The following MAPK10 variants were observed in gnomAD, a reference collection of about 807,000 sequenced individuals.
MAPK10 encodes the protein mitogen-activated protein kinase 10, also known as JNK3 alpha protein kinase.
In MAPK10, 25 loss-of-function variants were observed where a neutral mutation model predicts 59.3. The observed-to-expected ratio is 0.42, with a 90% CI of 0.31 to 0.59. The LOEUF is 0.59. MAPK10 is among the 20% of genes least tolerant of loss of function. The probability of loss-of-function intolerance (pLI) is 0.15; values close to 1 mark genes in which losing one functional copy is unlikely to be tolerated. For synonymous variants in MAPK10, 190 were observed against 200.5 expected, an observed-to-expected ratio of 0.95 and a Z score of 0.44; for missense variants, 351 against 568.9, an observed-to-expected ratio of 0.62 and a Z score of 3.90.
intron 11 of MAPK10, among the ~76,000 whole-genome samples, chr4:86,054,448 C>T (rs1470490869): frequency 6.6e-6 from 1 of 152,078 alleles, no homozygotes; most frequent in African/African-American, 2.4e-5. Flanking sequence ...TCTAATGAAG[C>T]TATATTTTCT....
At chr4:86,192,016 T>C (rs962540377) in intron 3 of MAPK10, 5 of 152,212 alleles carry the variant, frequency 3.3e-5, no homozygotes, top group Admixed American at 2.6e-4. Flanking sequence ...ATTTTATTTC[T>C]CCTTCACTTA....
At chr4:86,475,564 G>A (rs1204926085) in intron 1 of MAPK10, among the ~76,000 whole-genome samples, 1 of 152,132 alleles carries the variant, frequency 6.6e-6, no homozygotes, top group Non-Finnish European at 1.5e-5. Flanking sequence ...ACGGACTCGG[G>A]AAGACAGTCT....
chr4:86,466,147 C>T (rs1231256699), intron 1 of MAPK10, among the ~76,000 whole-genome samples: 2 of 152,176 alleles, frequency 1.3e-5, no homozygotes, highest in Non-Finnish European at 2.9e-5. Flanking sequence ...ATAATTGAGG[C>T]ATACCGCCCT....
chr4:86,262,142 G>A (rs867791851), intron 2 of MAPK10, among the ~76,000 whole-genome samples: 1 of 152,152 alleles, frequency 6.6e-6, no homozygotes, highest in African/African-American at 2.4e-5. Context: ...TTGAGAAGTG[G>A]GACTTTTGAG....
Position 86,064,250 on chromosome 4 carries a change from G to C in MAPK10, c.1110+16C>G. 6 of 1,613,428 alleles carry C rather than the reference G, an allele frequency of 3.7e-6. No individual in the cohort carries two copies. The highest frequency in any genetic ancestry group is 5.1e-6 in the Non-Finnish European group (6 of 1,179,754). ...ATTTGTTTGTGGAAGCAAAGTAAAG[G>C]CAGCCTATTTCTTACCGCCTCCACT... On this transcript the variant is annotated intron_variant, in intron 11 of 13. Coordinates refer to ENST00000641462, the MANE Select transcript of MAPK10 (RefSeq NM_138982.4).
intron 2 of MAPK10, among the ~76,000 whole-genome samples, chr4:86,207,367 T>C (rs7661809): frequency 0.32 from 48,859 of 151,412 alleles, 10,854 homozygotes; most frequent in African/African-American, 0.63. Flanking sequence ...AGATAGGCGG[T>C]GTTATTTCTG....
chr4:86,269,069 T>C (rs1270491241), intron 2 of MAPK10, among the ~76,000 whole-genome samples: 2 of 152,160 alleles, frequency 1.3e-5, no homozygotes, highest in African/African-American at 4.8e-5. Flanking sequence ...TGCACCTTTC[T>C]GGGCTCAAAA....
intron 1 of MAPK10, among the ~76,000 whole-genome samples, chr4:86,400,469 G>A (rs567109165): frequency 5.9e-5 from 9 of 151,312 alleles, no homozygotes; most frequent in South Asian, 2.1e-4. Context: ...CTCTCTCCAC[G>A]TAATGGGGAG....
chr4:86,066,532 C>G (rs890710925), intron 10 of MAPK10, among the ~76,000 whole-genome samples: 1 of 150,512 alleles, frequency 6.6e-6, no homozygotes, highest in Non-Finnish European at 1.5e-5. Flanking sequence ...TTTGGAAGGC[C>G]GAGGCAGGCA....
At chr4:86,555,847 C>T (rs183760347) in intron 1 of MAPK10, among the ~76,000 whole-genome samples, 45 of 152,188 alleles carry the variant, frequency 3.0e-4, no homozygotes, top group Admixed American at 2.8e-3. Context: ...GTTCTTGCAT[C>T]CCTCAGAGTC....
intron 2 of MAPK10, among the ~76,000 whole-genome samples, chr4:86,227,674 G>A (rs944165419): frequency 3.9e-5 from 6 of 151,916 alleles, no homozygotes; most frequent in African/African-American, 1.5e-4. Flanking sequence ...TACTCACACA[G>A]GGACCAAAAA....
At chr4:86,058,278 T>C (rs919414222) in intron 11 of MAPK10, among the ~76,000 whole-genome samples, 1 of 149,586 alleles carries the variant, frequency 6.7e-6, no homozygotes. Context: ...ATTTCAGAAT[T>C]GTGAATAAGG....
At chr4:86,536,840 T>C (rs1470775955) in intron 1 of MAPK10, among the ~76,000 whole-genome samples, 1 of 152,214 alleles carries the variant, frequency 6.6e-6, no homozygotes, top group Non-Finnish European at 1.5e-5. Flanking sequence ...AGGTAGCTCT[T>C]GCCTTTCTTC....
chr4:86,507,671 T>TAA (rs1365419120), intron 1 of MAPK10, among the ~76,000 whole-genome samples: 4 of 102,602 alleles, frequency 3.9e-5, no homozygotes, highest in African/African-American at 1.2e-4. Context: ...TATATATATA[T>TAA]AAAATCATGT....
At chr4:86,401,473 A>T (rs1224701470) in intron 1 of MAPK10, among the ~76,000 whole-genome samples, 2 of 152,206 alleles carry the variant, frequency 1.3e-5, no homozygotes, top group Admixed American at 1.3e-4. Context: ...TCTTGAGATA[A>T]CTAAAAGCAC....
intron 11 of MAPK10, among the ~76,000 whole-genome samples, chr4:86,037,039 T>A (rs1690613900): frequency 6.6e-6 from 1 of 152,206 alleles, no homozygotes; most frequent in African/African-American, 2.4e-5. Flanking sequence ...ATTTTCTCTA[T>A]TTTTAGAAAC....
At chr4:86,411,614 T>C (rs1745181364) in intron 1 of MAPK10, among the ~76,000 whole-genome samples, 2 of 152,250 alleles carry the variant, frequency 1.3e-5, no homozygotes, top group South Asian at 4.1e-4. Flanking sequence ...TTAGGATAGT[T>C]AGCTCTTCTT....
intron 11 of MAPK10, among the ~76,000 whole-genome samples, chr4:86,038,737 C>T (rs1210827250): frequency 6.6e-6 from 1 of 152,078 alleles, no homozygotes; most frequent in Non-Finnish European, 1.5e-5. Flanking sequence ...TTCTCTGTGG[C>T]ACCAACAGCA....
intron 11 of MAPK10, among the ~76,000 whole-genome samples, chr4:86,053,921 A>T (rs772489471): frequency 2.0e-5 from 3 of 152,210 alleles, no homozygotes; most frequent in Non-Finnish European, 2.9e-5. Context: ...TTCAGAGAGC[A>T]ACAGGCATGA....
Sources: gnomAD v4.1 joint callset for allele counts (sites outside exome capture counted in the v4.1 genomes callset) on GRCh38, gnomAD v4.1.1 for gene constraint, MANE v1.5 for transcripts, NCBI Gene and HGNC (gene_info 2026-07-23, HGNC 2026-07-21) for gene names.